The following MYO9A variants were observed in gnomAD, a reference collection of about 807,000 sequenced individuals.
MYO9A encodes unconventional myosin-IXa.
A neutral mutation model predicts 293.3 loss-of-function variants in MYO9A; 103 were observed. That is an observed-to-expected ratio of 0.35 (90% CI 0.30 to 0.41). MYO9A has a LOEUF of 0.41. MYO9A is among the 10% of genes least tolerant of loss of function. MYO9A has a pLI of 1.00. For synonymous variants in MYO9A, 1,001 were observed against 1,035.7 expected (o/e 0.97, Z 0.64); for missense variants, 2,685 against 3,033.0 (o/e 0.89, Z 2.69).
At chr15:71,878,770 G>A (rs1339408499) in intron 30 of MYO9A, among the ~76,000 whole-genome samples, 10 of 120,482 alleles carry the variant, frequency 8.3e-5, no homozygotes, top group East Asian at 8.2e-4. Flanking sequence ...TTTTTTAGAC[G>A]GAGTCTTGCT....
intron 28 of MYO9A, among the ~76,000 whole-genome samples, chr15:71,882,004 A>G (rs184426802): frequency 2.6e-5 from 4 of 152,344 alleles, no homozygotes; most frequent in Admixed American, 6.5e-5. Flanking sequence ...AAGCAAAGCC[A>G]TAAGATACAA....
intron 15 of MYO9A, among the ~76,000 whole-genome samples, chr15:71,949,844 G>C (rs1394646089): frequency 1.3e-5 from 2 of 152,000 alleles, no homozygotes; most frequent in Admixed American, 1.3e-4. Flanking sequence ...AGCCAGTATG[G>C]TGGTGGTGGT....
At chr15:72,018,002 G>A (rs1010238097) in intron 6 of MYO9A, among the ~76,000 whole-genome samples, 1 of 152,016 alleles carries the variant, frequency 6.6e-6, no homozygotes, top group Non-Finnish European at 1.5e-5. Flanking sequence ...CAAGGCAAGA[G>A]AATCACTTGA....
chr15:71,886,116 A>G (rs1464518955), intron 27 of MYO9A, among the ~76,000 whole-genome samples: 1 of 150,190 alleles, frequency 6.7e-6, no homozygotes, highest in East Asian at 2.0e-4. Flanking sequence ...TTTATCTGTT[A>G]ATTTTGGTTT....
At chr15:72,060,834 A>C (rs1343980460) in intron 1 of MYO9A, among the ~76,000 whole-genome samples, 1 of 152,148 alleles carries the variant, frequency 6.6e-6, no homozygotes, top group African/African-American at 2.4e-5. Context: ...TGAGGTGCAC[A>C]TGACCCAGTG....
At chr15:71,877,519 G>A (rs2056731678) in intron 31 of MYO9A, among the ~76,000 whole-genome samples, 3 of 151,900 alleles carry the variant, frequency 2.0e-5, no homozygotes. Flanking sequence ...GTGCAGTGGC[G>A]TGACCTTGGC....
chr15:71,993,954 C>CAAAA (rs34602189), intron 10 of MYO9A, among the ~76,000 whole-genome samples: 1 of 119,792 alleles, frequency 8.3e-6, no homozygotes, highest in Non-Finnish European at 1.7e-5. Context: ...GACACCGTCT[C>CAAAA]AAAAAAAAAA....
At chr15:72,020,848 A>T in intron 5 of MYO9A, 70 bp downstream of exon 5, 1 of 982,560 alleles carries the variant, frequency 1.0e-6, no homozygotes. Context: ...AAGTACTAGA[A>T]AAAAGACATT....
chr15:72,106,309 C>A (rs529871975), intron 1 of MYO9A, among the ~76,000 whole-genome samples: 3 of 152,148 alleles, frequency 2.0e-5, no homozygotes, highest in African/African-American at 7.2e-5. Flanking sequence ...AAGACCCCAT[C>A]CCTACTAAAA....
intron 7 of MYO9A, among the ~76,000 whole-genome samples, chr15:72,008,555 T>C (rs1384112255): frequency 6.6e-6 from 1 of 151,446 alleles, no homozygotes; most frequent in Non-Finnish European, 1.5e-5. Context: ...ACCTCTACTG[T>C]GAAACAACTT....
intron 1 of MYO9A, among the ~76,000 whole-genome samples, chr15:72,102,499 T>TAAAAAAAAAAAAAAAAAAAAAAAA (rs55804686): frequency 8.7e-6 from 1 of 114,458 alleles, no homozygotes; most frequent in Non-Finnish European, 1.8e-5. Flanking sequence ...TAAATAAATT[T>TAAAAAAAAAAAAAAAAAAAAAAAA]AAAAAAAAAA....
intron 15 of MYO9A, among the ~76,000 whole-genome samples, chr15:71,942,581 T>C (rs572373534): frequency 6.6e-6 from 1 of 152,162 alleles, no homozygotes; most frequent in South Asian, 2.1e-4. Context: ...TTGTTTTCTT[T>C]GTACTTTGAC....
At chr15:71,902,432 A>C (rs147860896) in intron 22 of MYO9A, among the ~76,000 whole-genome samples, 54 of 152,250 alleles carry the variant, frequency 3.5e-4, no homozygotes, top group Non-Finnish European at 6.5e-4. Context: ...TTCACTGTAT[A>C]AGCAATGTAG....
chr15:71,871,294 G>T (rs1023079840), intron 32 of MYO9A, among the ~76,000 whole-genome samples: 2 of 152,062 alleles, frequency 1.3e-5, no homozygotes, highest in Non-Finnish European at 2.9e-5. Context: ...AGGACTGCTC[G>T]AGCCCAAGAG....
At chr15:71,858,854 TAA>T (rs77677016) in intron 34 of MYO9A, among the ~76,000 whole-genome samples, 6 of 125,368 alleles carry the variant, frequency 4.8e-5, no homozygotes, top group Non-Finnish European at 7.0e-5. Flanking sequence ...TAAAGTATAA[TAA>T]AAAAAAAAAA....
chr15:71,965,468 A>G (rs536823317), intron 13 of MYO9A, among the ~76,000 whole-genome samples: 12 of 152,260 alleles, frequency 7.9e-5, no homozygotes, highest in African/African-American at 2.9e-4. Context: ...GCTACATATA[A>G]TATCAAGTGG....
intron 12 of MYO9A, among the ~76,000 whole-genome samples, chr15:71,972,638 T>C (rs763608943): frequency 6.6e-6 from 1 of 152,198 alleles, no homozygotes; most frequent in Non-Finnish European, 1.5e-5. Flanking sequence ...TTCATGTTGA[T>C]TGTTATGGTG....
chr15:72,050,165 T>G (rs150022385), intron 1 of MYO9A, among the ~76,000 whole-genome samples: 2,290 of 152,058 alleles, frequency 0.015, 55 homozygotes, highest in African/African-American at 0.052. Context: ...GTTTTGTTTT[T>G]TTTTTTACAA....
chr15:72,078,945 G>A (rs77457516), intron 1 of MYO9A, among the ~76,000 whole-genome samples: 6,519 of 152,278 alleles, frequency 0.043, 255 homozygotes, highest in East Asian at 0.18. Flanking sequence ...CAAGAAGACA[G>A]TGGTTGAAAA....
Sources: gnomAD v4.1 joint callset for allele counts (sites outside exome capture counted in the v4.1 genomes callset) on GRCh38, gnomAD v4.1.1 for gene constraint, MANE v1.5 for transcripts, NCBI Gene and HGNC (gene_info 2026-07-23, HGNC 2026-07-21) for gene names.